Variants in SCHIP1 observed in about 807,000 individuals in gnomAD.
SCHIP1 encodes schwannomin interacting protein 1.
SCHIP1 carries 8 observed loss-of-function variants against 29.7 expected under a neutral mutation model. That is an observed-to-expected ratio of 0.27 (90% confidence interval 0.16 to 0.49). The LOEUF is 0.49. Ranked by LOEUF, SCHIP1 falls within the 20% of genes least tolerant of loss-of-function variation. SCHIP1 has a pLI of 0.99. For synonymous variants in SCHIP1, 76 were observed against 94.9 expected, an observed-to-expected ratio of 0.80 and a Z score of 1.16; for missense variants, 193 against 294.6, an observed-to-expected ratio of 0.66 and a Z score of 2.52.
chr3:159,339,802 T>A, the SCHIP1 span, among the ~76,000 whole-genome samples: 8 of 152,166 alleles, frequency 5.3e-5, no homozygotes, highest in African/African-American at 1.9e-4. Context: ...TATTTCAGAT[T>A]ATTTCTCCTT....
At chr3:159,486,066 T>G in the SCHIP1 span, among the ~76,000 whole-genome samples, 1 of 152,222 alleles carries the variant, frequency 6.6e-6, no homozygotes, top group Admixed American at 6.5e-5. Context: ...GTGTGATGTT[T>G]TGGTATACAT....
the SCHIP1 span, among the ~76,000 whole-genome samples, chr3:159,300,835 G>A: frequency 3.3e-5 from 5 of 152,028 alleles, no homozygotes; most frequent in Middle Eastern, 3.4e-3. Flanking sequence ...ACTTCTCATT[G>A]TCCTTATCAT....
At chr3:159,551,901 T>C in the SCHIP1 span, among the ~76,000 whole-genome samples, 4 of 152,148 alleles carry the variant, frequency 2.6e-5, no homozygotes, top group Admixed American at 2.6e-4. Context: ...GGGATTAAGA[T>C]TTACAAAATC....
chr3:159,380,277 C>A, the SCHIP1 span, among the ~76,000 whole-genome samples: 2 of 152,176 alleles, frequency 1.3e-5, no homozygotes, highest in Admixed American at 1.3e-4. Context: ...GTCTTTCTCC[C>A]TCTTCTAGCT....
At chr3:159,593,336 T>C in the SCHIP1 span, among the ~76,000 whole-genome samples, 463 of 152,202 alleles carry the variant, frequency 3.0e-3, 1 homozygote, top group African/African-American at 9.2e-3. Flanking sequence ...CAGGCTGCCC[T>C]CTTTATGGGT....
At chr3:159,298,684 A>C in the SCHIP1 span, among the ~76,000 whole-genome samples, 1 of 152,154 alleles carries the variant, frequency 6.6e-6, no homozygotes, top group South Asian at 2.1e-4. Flanking sequence ...CTTCACACCC[A>C]AAGCCAAGTG....
the SCHIP1 span, among the ~76,000 whole-genome samples, chr3:159,360,489 T>C: frequency 1.3e-5 from 2 of 152,176 alleles, no homozygotes; most frequent in Non-Finnish European, 2.9e-5. Flanking sequence ...TCTGTTCCTA[T>C]AGTGTTGCCT....
the SCHIP1 span, among the ~76,000 whole-genome samples, chr3:159,281,185 T>C: frequency 1.2e-4 from 19 of 152,286 alleles, no homozygotes; most frequent in African/African-American, 4.1e-4. Flanking sequence ...CTGGGCTAAT[T>C]AGAAGCTAGG....
chr3:159,720,311 C>A, the SCHIP1 span, among the ~76,000 whole-genome samples: 1 of 151,752 alleles, frequency 6.6e-6, no homozygotes, highest in African/African-American at 2.4e-5. Context: ...GTGCAGCACA[C>A]CAACATGGCA....
the SCHIP1 span, among the ~76,000 whole-genome samples, chr3:159,323,814 G>T: frequency 1.3e-5 from 2 of 152,210 alleles, no homozygotes; most frequent in Admixed American, 6.5e-5. Context: ...CAGGTATAAA[G>T]GCTGATTGGA....
At chr3:159,599,703 A>G in the SCHIP1 span, among the ~76,000 whole-genome samples, 2 of 152,160 alleles carry the variant, frequency 1.3e-5, no homozygotes, top group South Asian at 2.1e-4. Flanking sequence ...GCTTCTATCA[A>G]CATGCATATG....
the SCHIP1 span, among the ~76,000 whole-genome samples, chr3:159,825,370 T>C: frequency 1.3e-5 from 2 of 152,144 alleles, no homozygotes; most frequent in African/African-American, 4.8e-5. Context: ...GTGGGCCCCT[T>C]TGAGCCTGCC....
the SCHIP1 span, among the ~76,000 whole-genome samples, chr3:159,695,820 T>A: frequency 1.1e-4 from 16 of 152,176 alleles, no homozygotes; most frequent in Admixed American, 4.6e-4. Flanking sequence ...ACTATCCATA[T>A]AATCACCTGA....
the SCHIP1 span, among the ~76,000 whole-genome samples, chr3:159,452,370 A>C: frequency 6.6e-6 from 1 of 151,976 alleles, no homozygotes; most frequent in Non-Finnish European, 1.5e-5. Context: ...CCCATTGTTC[A>C]ACTCCCACTT....
the SCHIP1 span, among the ~76,000 whole-genome samples, chr3:159,757,523 G>T: frequency 6.6e-6 from 1 of 152,208 alleles, no homozygotes; most frequent in South Asian, 2.1e-4. Context: ...CCTTTGTGCT[G>T]TGTGGTTTAG....
intron 1 of SCHIP1, among the ~76,000 whole-genome samples, chr3:159,848,130 G>A (rs752756633): frequency 6.6e-6 from 1 of 152,320 alleles, no homozygotes; most frequent in South Asian, 2.1e-4. Flanking sequence ...ATTAACTCAC[G>A]TGAGCAATGT....
At chr3:159,525,863 TCATTCAC>T in the SCHIP1 span, among the ~76,000 whole-genome samples, 3 of 152,212 alleles carry the variant, frequency 2.0e-5, no homozygotes, top group African/African-American at 4.8e-5. Context: ...TTACACATAT[TCATTCAC>T]CATTCATTTA....
the SCHIP1 span, among the ~76,000 whole-genome samples, chr3:159,709,301 T>C: frequency 6.6e-6 from 1 of 152,188 alleles, no homozygotes; most frequent in African/African-American, 2.4e-5. Flanking sequence ...TGACTGTATC[T>C]CTATAAATAT....
the SCHIP1 span, among the ~76,000 whole-genome samples, chr3:159,749,189 C>T: frequency 6.6e-6 from 1 of 151,848 alleles, no homozygotes; most frequent in African/African-American, 2.4e-5. Flanking sequence ...ATGTATGCAA[C>T]TGTAGTCCCA....
Sources: gnomAD v4.1 joint callset for allele counts (sites outside exome capture counted in the v4.1 genomes callset) on GRCh38, gnomAD v4.1.1 for gene constraint, MANE v1.5 for transcripts, NCBI Gene and HGNC (gene_info 2026-07-23, HGNC 2026-07-21) for gene names.